The following DOCK2 variants were observed in gnomAD, a reference collection of about 807,000 sequenced individuals.
DOCK2 encodes the protein dedicator of cytokinesis protein 2.
Under a neutral mutation model 248.9 loss-of-function variants are expected in DOCK2, and 87 were observed. The ratio of observed to expected loss-of-function variants is 0.35; its 90% CI spans 0.29 to 0.42. The LOEUF is 0.42. Among genes scored for constraint, DOCK2 ranks in the 10% least tolerant of loss-of-function variants. The probability of loss-of-function intolerance (pLI) is 1.00; values close to 1 mark genes in which losing one functional copy is unlikely to be tolerated. For synonymous variants in DOCK2, 805 were observed against 821.6 expected, an observed-to-expected ratio of 0.98 and a Z score of 0.35; for missense variants, 1,747 against 2,300.2, an observed-to-expected ratio of 0.76 and a Z score of 4.92.
chr5:169,864,752 C>T (rs1223499187), intron 27 of DOCK2, among the ~76,000 whole-genome samples: 1 of 152,162 alleles, frequency 6.6e-6, no homozygotes, highest in East Asian at 1.9e-4. Flanking sequence ...CTCTCTTAAT[C>T]ATTAATGGGG....
At chr5:169,954,517 C>G (rs191341960) in intron 27 of DOCK2, among the ~76,000 whole-genome samples, 174 of 152,336 alleles carry the variant, frequency 1.1e-3, no homozygotes, top group Non-Finnish European at 2.1e-3. Flanking sequence ...GGCCACCCCC[C>G]TGAAGCTGTG....
intron 27 of DOCK2, among the ~76,000 whole-genome samples, chr5:169,924,800 A>T (rs566035686): frequency 6.6e-6 from 1 of 152,056 alleles, no homozygotes; most frequent in East Asian, 1.9e-4. Context: ...GTATCCTGGG[A>T]CGCTCTTTGG....
Position 169,763,987 on chromosome 5 carries a change from T to G in DOCK2, c.2554+2362T>G, listed in dbSNP as rs567541644. ...ACTTCAGCTCATCCCCTTTCTTAAA[T>G]CCTCAAGTTCCCAATGAATAAAACC... is the stretch of plus-strand genomic sequence containing the variant. On this transcript the variant is annotated intron_variant, in intron 25 of 51. Transcript: ENST00000520908. The surrounding 1 kb of genome is among the most constrained non-coding windows in gnomAD (Gnocchi z 4.1). 6.6e-6 allele frequency among the ~76,000 whole-genome samples: 1 copy of G among 152,316 alleles called. No individual in the cohort carries two copies. Among genetic ancestry groups the G allele is most frequent in the Non-Finnish European group, 1.5e-5 (1 of 68,022 alleles).
intron 27 of DOCK2, among the ~76,000 whole-genome samples, chr5:169,929,361 AG>A (rs1427453465): frequency 6.6e-6 from 1 of 152,142 alleles, no homozygotes; most frequent in Non-Finnish European, 1.5e-5. Flanking sequence ...TTTTACACGT[AG>A]ATTTTCCACA....
rs945889054 is a variant in DOCK2 at position 169,824,159 on chromosome 5, G to A, written c.2704-16598G>A. ...ATGGAAGAACATTCCATGCTCATGG[G>A]TAGGAAGAATCAATATCGTGAAAAT... On this transcript the variant is annotated intron_variant, in intron 26 of 51. Coordinates refer to ENST00000520908, the MANE Select transcript of DOCK2 (RefSeq NM_004946.3). 4.2e-3 allele frequency among the ~76,000 whole-genome samples: 640 copies of A among 152,174 alleles called. 3 individuals are homozygous for A. Among genetic ancestry groups the A allele is most frequent in the Non-Finnish European group, 7.3e-3 (496 of 67,960 alleles).
At chr5:169,760,196 T>C (rs1316847115) in intron 24 of DOCK2, among the ~76,000 whole-genome samples, 4 of 152,192 alleles carry the variant, frequency 2.6e-5, no homozygotes, top group Non-Finnish European at 4.4e-5. Flanking sequence ...TTAACTACGT[T>C]CAGCTCATAG....
chr5:169,735,601 A>T (rs1762994672), intron 22 of DOCK2, among the ~76,000 whole-genome samples: 1 of 152,148 alleles, frequency 6.6e-6, no homozygotes, highest in South Asian at 2.1e-4. Context: ...GTTTTTATTT[A>T]TTTGTATAAA....
At chr5:169,803,335 C>A in intron 26 of DOCK2, 129 bp downstream of exon 26, 2 of 1,238,884 alleles carry the variant, frequency 1.6e-6, no homozygotes, top group Non-Finnish European at 2.2e-6. Context: ...GCTCAGCAGG[C>A]CTACTTTTCC....
At chr5:169,816,638 C>T (rs1424414700) in intron 26 of DOCK2, among the ~76,000 whole-genome samples, 2 of 152,146 alleles carry the variant, frequency 1.3e-5, no homozygotes, top group Non-Finnish European at 2.9e-5. Flanking sequence ...TGTCATTTAC[C>T]CTATTCCTTC....
intron 5 of DOCK2, among the ~76,000 whole-genome samples, chr5:169,673,282 T>G (rs1347198340): frequency 6.6e-6 from 1 of 152,020 alleles, no homozygotes; most frequent in Admixed American, 6.6e-5. Flanking sequence ...CAGGTATCAT[T>G]GAAAGGGGAT....
intron 26 of DOCK2, among the ~76,000 whole-genome samples, chr5:169,835,266 T>TG (rs1769493619): frequency 6.7e-6 from 1 of 149,106 alleles, no homozygotes; most frequent in Non-Finnish European, 1.5e-5. Flanking sequence ...CCTGGTTTTT[T>TG]TTTTTTTTTT....
At chr5:169,914,240 C>T (rs1774756664) in intron 27 of DOCK2, among the ~76,000 whole-genome samples, 1 of 152,208 alleles carries the variant, frequency 6.6e-6, no homozygotes, top group South Asian at 2.1e-4. Flanking sequence ...CAACTTGATG[C>T]TCTCCTCATA....
At chr5:169,725,624 A>G (rs907935967) in intron 22 of DOCK2, among the ~76,000 whole-genome samples, 3 of 152,130 alleles carry the variant, frequency 2.0e-5, no homozygotes, top group Admixed American at 6.5e-5. Flanking sequence ...CATCATTTAC[A>G]TTAGGTATTT....
intron 5 of DOCK2, among the ~76,000 whole-genome samples, chr5:169,671,964 A>G (rs1332716177): frequency 6.6e-6 from 1 of 152,050 alleles, no homozygotes; most frequent in Admixed American, 6.6e-5. Context: ...TGGCTAAAGC[A>G]ATTTTTTGTT....
At chr5:169,697,684 A>G (rs903380629) in intron 10 of DOCK2, among the ~76,000 whole-genome samples, 2 of 152,120 alleles carry the variant, frequency 1.3e-5, no homozygotes, top group Admixed American at 1.3e-4. Flanking sequence ...TTATTACCCA[A>G]GCAATTTTAA....
At chr5:169,914,028 C>A (rs1190648994) in intron 27 of DOCK2, among the ~76,000 whole-genome samples, 1 of 152,066 alleles carries the variant, frequency 6.6e-6, no homozygotes, top group Non-Finnish European at 1.5e-5. Flanking sequence ...TGATGGACAC[C>A]CAAAGATGTT....
chr5:169,922,970 G>T (rs944331696), intron 27 of DOCK2, among the ~76,000 whole-genome samples: 5 of 152,088 alleles, frequency 3.3e-5, no homozygotes, highest in African/African-American at 1.2e-4. Flanking sequence ...TGTAAATATC[G>T]AATTGTGAAT....
intron 2 of DOCK2, 143 bp downstream of exon 2, chr5:169,654,629 T>G (rs1757999074): frequency 1.3e-6 from 1 of 761,098 alleles, no homozygotes; most frequent in East Asian, 2.8e-5. Context: ...AATTAGAATT[T>G]ACTAAACAGA....
chr5:170,059,542 A>G (rs1282178204), intron 44 of DOCK2, among the ~76,000 whole-genome samples: 4 of 152,140 alleles, frequency 2.6e-5, no homozygotes, highest in Non-Finnish European at 4.4e-5. Context: ...CAAAGCACTT[A>G]TCTCCTAATA....
Sources: allele counts gnomAD v4.1 joint callset (sites outside exome capture counted in the v4.1 genomes callset), GRCh38; gene constraint gnomAD v4.1.1; non-coding constraint Gnocchi (gnomAD v3.1); transcripts MANE v1.5; gene names NCBI Gene and HGNC (gene_info 2026-07-23, HGNC 2026-07-21).